Variants in EXOC4 observed in about 807,000 individuals in gnomAD.
EXOC4 encodes exocyst complex component 4, also known as SEC8-like 1.
Under a neutral mutation model 107.2 loss-of-function variants are expected in EXOC4, and 71 were observed. The observed-to-expected ratio is 0.66, with a 90% CI of 0.55 to 0.81. The LOEUF is 0.81. Among genes scored for constraint, EXOC4 ranks in the 30% least tolerant of loss-of-function variants. The probability of loss-of-function intolerance (pLI) is 0.00; values close to 1 mark genes in which losing one functional copy is unlikely to be tolerated. For missense variants in EXOC4, 1,108 were observed against 1,189.6 expected (o/e 0.93, Z 1.01); for synonymous variants, 456 against 441.2 (o/e 1.03, Z -0.42).
intron 7 of EXOC4, among the ~76,000 whole-genome samples, chr7:133,378,443 A>G (rs1455612344): frequency 6.6e-6 from 1 of 151,710 alleles, no homozygotes; most frequent in Non-Finnish European, 1.5e-5. Context: ...TTTCCCCCCC[A>G]CATTTCTTGA....
chr7:133,579,940 C>G (rs1801215544), intron 9 of EXOC4, among the ~76,000 whole-genome samples: 1 of 152,184 alleles, frequency 6.6e-6, no homozygotes. Flanking sequence ...TGTGATCTGC[C>G]CGCCTTGGCC....
At chr7:133,676,113 G>GCCAT (rs1554382315) in intron 10 of EXOC4, among the ~76,000 whole-genome samples, 2 of 151,944 alleles carry the variant, frequency 1.3e-5, no homozygotes, top group Non-Finnish European at 2.9e-5. Flanking sequence ...GAGAATTGCA[G>GCCAT]TCATTCATTC....
At chr7:134,076,004 C>A in the EXOC4 span, among the ~76,000 whole-genome samples, 32,926 of 152,110 alleles carry the variant, frequency 0.22, 5,460 homozygotes, top group African/African-American at 0.47. Context: ...TTACTGCAGC[C>A]TAACCCTCCC....
intron 17 of EXOC4, among the ~76,000 whole-genome samples, chr7:134,025,443 C>G (rs1339467252): frequency 1.3e-5 from 2 of 152,212 alleles, no homozygotes; most frequent in Non-Finnish European, 2.9e-5. Flanking sequence ...AGCGCAGTAC[C>G]TAAAACAACA....
intron 17 of EXOC4, among the ~76,000 whole-genome samples, chr7:134,021,902 A>AC (rs1554436403): frequency 6.6e-6 from 1 of 151,890 alleles, no homozygotes. Flanking sequence ...CTGATTAAAC[A>AC]TTTGGGGTAT....
At chr7:133,519,998 A>G (rs1474947184) in intron 9 of EXOC4, among the ~76,000 whole-genome samples, 1 of 152,168 alleles carries the variant, frequency 6.6e-6, no homozygotes, top group African/African-American at 2.4e-5. Context: ...AACAAATGAA[A>G]CAAAAAAATT....
At chr7:133,834,690 A>G (rs1585185749) in intron 11 of EXOC4, among the ~76,000 whole-genome samples, 1 of 152,244 alleles carries the variant, frequency 6.6e-6, no homozygotes, top group Non-Finnish European at 1.5e-5. Context: ...ACTTTCTCCA[A>G]CAGCCAGCAT....
the EXOC4 span, among the ~76,000 whole-genome samples, chr7:134,085,438 T>C: frequency 6.6e-6 from 1 of 152,258 alleles, no homozygotes; most frequent in East Asian, 1.9e-4. Context: ...TTGGTAAGAA[T>C]AGCAAAATGT....
At chr7:133,389,733 A>G (rs1353395789) in intron 7 of EXOC4, among the ~76,000 whole-genome samples, 1 of 152,096 alleles carries the variant, frequency 6.6e-6, no homozygotes, top group Non-Finnish European at 1.5e-5. Context: ...TAGGAAGTGT[A>G]TTAGTCTGTT....
At chr7:133,743,958 G>A (rs1347330107) in intron 10 of EXOC4, among the ~76,000 whole-genome samples, 1 of 152,152 alleles carries the variant, frequency 6.6e-6, no homozygotes, top group Non-Finnish European at 1.5e-5. Flanking sequence ...GAGGAGGAAG[G>A]ATAGGCTACT....
intron 7 of EXOC4, among the ~76,000 whole-genome samples, chr7:133,453,089 T>C (rs968579623): frequency 2.0e-5 from 3 of 152,190 alleles, no homozygotes; most frequent in Non-Finnish European, 2.9e-5. Context: ...TAAAAGAGCT[T>C]AACATAAATC....
At chr7:133,836,079 CTAGTT>C (rs552716275) in intron 11 of EXOC4, among the ~76,000 whole-genome samples, 216 of 152,270 alleles carry the variant, frequency 1.4e-3, no homozygotes, top group Admixed American at 2.3e-3. Context: ...TAGGCACAGG[CTAGTT>C]TACTTACATG....
At chr7:134,085,999 T>A in the EXOC4 span, among the ~76,000 whole-genome samples, 2 of 152,300 alleles carry the variant, frequency 1.3e-5, no homozygotes, top group South Asian at 2.1e-4. Flanking sequence ...CAGGAAGTCG[T>A]ACTGGAGCAT....
At chr7:133,504,707 ATATGAT>A (rs969436622) in intron 9 of EXOC4, among the ~76,000 whole-genome samples, 2 of 152,092 alleles carry the variant, frequency 1.3e-5, no homozygotes, top group Non-Finnish European at 2.9e-5. Context: ...ATGTATGTTT[ATATGAT>A]TATATCTGAA....
intron 11 of EXOC4, among the ~76,000 whole-genome samples, chr7:133,831,121 C>T (rs1025200324): frequency 1.3e-5 from 2 of 152,018 alleles, no homozygotes; most frequent in African/African-American, 2.4e-5. Context: ...CCCGCCACCA[C>T]GCCTAGCTAA....
At chr7:133,424,921 A>T (rs986605284) in intron 7 of EXOC4, among the ~76,000 whole-genome samples, 8 of 152,242 alleles carry the variant, frequency 5.3e-5, no homozygotes, top group African/African-American at 1.7e-4. Context: ...TAGGTTGGCT[A>T]GCACACAGAA....
intron 13 of EXOC4, among the ~76,000 whole-genome samples, chr7:133,923,607 G>C (rs143423679): frequency 1.1e-3 from 163 of 152,190 alleles, no homozygotes; most frequent in African/African-American, 3.7e-3. Context: ...TAATTAGCTT[G>C]TCTGTCTGTA....
chr7:133,650,466 T>G (rs1803115420), intron 10 of EXOC4, among the ~76,000 whole-genome samples: 1 of 152,190 alleles, frequency 6.6e-6, no homozygotes, highest in South Asian at 2.1e-4. Flanking sequence ...ACTTAGTCAA[T>G]TTTTAATCTT....
At chr7:133,577,995 A>G (rs1425508455) in intron 9 of EXOC4, among the ~76,000 whole-genome samples, 3 of 152,222 alleles carry the variant, frequency 2.0e-5, no homozygotes, top group South Asian at 4.1e-4. Context: ...CATGGTAAAG[A>G]TGATAGATTT....
Sources: allele counts gnomAD v4.1 joint callset (sites outside exome capture counted in the v4.1 genomes callset), GRCh38; gene constraint gnomAD v4.1.1; transcripts MANE v1.5; gene names NCBI Gene and HGNC (gene_info 2026-07-23, HGNC 2026-07-21).